The following TAFA2 variants were observed in gnomAD, a reference collection of about 807,000 sequenced individuals.
The protein encoded by TAFA2 is TAFA chemokine like family member 2, also known as chemokine-like protein TAFA-2.
In TAFA2, 7 loss-of-function variants were observed where a neutral mutation model predicts 18.8. The observed-to-expected ratio is 0.37, with a 90% CI of 0.21 to 0.70. The LOEUF (loss-of-function observed/expected upper bound fraction) is 0.70, where lower values mean the gene tolerates loss of function less well. Among genes scored for constraint, TAFA2 ranks in the 30% least tolerant of loss-of-function variants. The probability of loss-of-function intolerance (pLI) is 0.53; values close to 1 mark genes in which losing one functional copy is unlikely to be tolerated. For missense variants in TAFA2, 122 were observed against 158.1 expected (o/e 0.77, Z 1.23); for synonymous variants, 60 against 54.2 (o/e 1.11, Z -0.47).
At chr12:62,079,523 A>G (rs1254912453) in intron 1 of TAFA2, among the ~76,000 whole-genome samples, 1 of 151,608 alleles carries the variant, frequency 6.6e-6, no homozygotes, top group Non-Finnish European at 1.5e-5. Flanking sequence ...AATTAGCCAG[A>G]CATAGTGGCA....
intron 1 of TAFA2, among the ~76,000 whole-genome samples, chr12:62,066,596 C>T (rs1476357758): frequency 6.6e-6 from 1 of 152,070 alleles, no homozygotes; most frequent in Non-Finnish European, 1.5e-5. Context: ...GCTTATTTCA[C>T]TTAACATAAT....
At chr12:62,222,222 T>C (rs2062766155) in intron 1 of TAFA2, among the ~76,000 whole-genome samples, 1 of 151,920 alleles carries the variant, frequency 6.6e-6, no homozygotes, top group African/African-American at 2.4e-5. Context: ...TCTGGAGTCA[T>C]AGGGAAATTT....
At chr12:61,906,965 T>C (rs1876383829) in intron 1 of TAFA2, among the ~76,000 whole-genome samples, 1 of 152,194 alleles carries the variant, frequency 6.6e-6, no homozygotes. Flanking sequence ...AGAGCTGACT[T>C]GAGTGCCATT....
chr12:61,783,034 A>T (rs920105109), intron 2 of TAFA2, among the ~76,000 whole-genome samples: 1 of 151,672 alleles, frequency 6.6e-6, no homozygotes, highest in Non-Finnish European at 1.5e-5. Context: ...TATTCTTGGA[A>T]AATTTATGCT....
intron 1 of TAFA2, among the ~76,000 whole-genome samples, chr12:61,944,977 C>T (rs1191541913): frequency 6.7e-6 from 1 of 150,098 alleles, no homozygotes; most frequent in Non-Finnish European, 1.5e-5. Context: ...CATTCTGATA[C>T]CAAAGACTGG....
intron 1 of TAFA2, among the ~76,000 whole-genome samples, chr12:61,938,359 T>G (rs1017771626): frequency 6.6e-6 from 1 of 152,058 alleles, no homozygotes; most frequent in Non-Finnish European, 1.5e-5. Flanking sequence ...CTAGGGTACA[T>G]TTGCAGATTT....
At chr12:62,161,041 C>A (rs140320571) in intron 1 of TAFA2, among the ~76,000 whole-genome samples, 1 of 152,162 alleles carries the variant, frequency 6.6e-6, no homozygotes, top group Non-Finnish European at 1.5e-5. Flanking sequence ...ATTAAAGATA[C>A]GGTACAAAAG....
chr12:61,725,297 A>G (rs990291822), intron 4 of TAFA2, among the ~76,000 whole-genome samples: 1 of 152,008 alleles, frequency 6.6e-6, no homozygotes, highest in Non-Finnish European at 1.5e-5. Flanking sequence ...ATTAAGTCCC[A>G]TCAATTTATC....
chr12:62,249,261 CTTTT>C (rs1401263419), intron 1 of TAFA2, among the ~76,000 whole-genome samples: 2 of 112,908 alleles, frequency 1.8e-5, no homozygotes, highest in Non-Finnish European at 3.5e-5. Flanking sequence ...CTGCTCCCTC[CTTTT>C]TTTTCCTAAA....
At chr12:62,024,581 A>G (rs569556391) in intron 1 of TAFA2, among the ~76,000 whole-genome samples, 1 of 152,264 alleles carries the variant, frequency 6.6e-6, no homozygotes, top group South Asian at 2.1e-4. Flanking sequence ...GTCTTCAAAA[A>G]CAATTGCAAC....
chr12:62,217,314 A>T (rs947934791), intron 1 of TAFA2, among the ~76,000 whole-genome samples: 2 of 152,294 alleles, frequency 1.3e-5, no homozygotes, highest in African/African-American at 4.8e-5. Context: ...CAAGGCCCTA[A>T]AGTAAAACCA....
At chr12:61,884,209 G>A (rs529447623) in intron 1 of TAFA2, among the ~76,000 whole-genome samples, 16 of 152,256 alleles carry the variant, frequency 1.1e-4, no homozygotes, top group African/African-American at 3.4e-4. Flanking sequence ...AGCTTGAAAC[G>A]ATGGCGCTGA....
rs113074699 is a variant in TAFA2, at chr12:61,874,199, A to G, written c.-1-6773T>C. Among the ~76,000 whole-genome samples the G allele has an allele frequency of 7.1e-3, 1,082 of 152,236 alleles. 11 individuals are homozygous for G. Among genetic ancestry groups the G allele is most frequent in the African/African-American group, 0.024 (1,017 of 41,560 alleles). ...GTAAGTTATAATCAAAAATTTATAG[A>G]GTTGTATTTTTACAAGCTAGTCATA... On this transcript the variant is annotated intron_variant, in intron 1 of 4. Transcript: ENST00000416284.
intron 1 of TAFA2, among the ~76,000 whole-genome samples, chr12:61,997,618 T>C (rs1428023906): frequency 3.9e-5 from 6 of 152,148 alleles, no homozygotes; most frequent in Admixed American, 6.5e-5. Context: ...CTAGCTATTA[T>C]ATGACAAATT....
At chr12:61,784,702 C>CA (rs61370214) in intron 2 of TAFA2, among the ~76,000 whole-genome samples, 129,003 of 147,980 alleles carry the variant, frequency 0.87, 56,190 homozygotes, top group African/African-American at 0.92. Flanking sequence ...TCCCATTTTT[C>CA]AAAAAAAAAA....
At chr12:61,778,344 C>T (rs1357942411) in intron 2 of TAFA2, among the ~76,000 whole-genome samples, 1 of 151,716 alleles carries the variant, frequency 6.6e-6, no homozygotes, top group Non-Finnish European at 1.5e-5. Context: ...AACTCTTGAG[C>T]TTATTACTTC....
chr12:62,171,770 T>C (rs1235625714), intron 1 of TAFA2, among the ~76,000 whole-genome samples: 1 of 152,156 alleles, frequency 6.6e-6, no homozygotes, highest in African/African-American at 2.4e-5. Context: ...ATTATAGCAG[T>C]CCAAATAAAC....
chr12:62,001,763 C>A (rs572350683), intron 1 of TAFA2, among the ~76,000 whole-genome samples: 1 of 151,694 alleles, frequency 6.6e-6, no homozygotes, highest in East Asian at 1.9e-4. Context: ...GGTTGGGGAC[C>A]CCTAATATAT....
intron 1 of TAFA2, among the ~76,000 whole-genome samples, chr12:61,976,370 C>A (rs1014095568): frequency 6.6e-6 from 1 of 151,634 alleles, no homozygotes; most frequent in Non-Finnish European, 1.5e-5. Context: ...TGTTAAACAA[C>A]GTATTTTGAT....
Sources: allele counts gnomAD v4.1 joint callset (sites outside exome capture counted in the v4.1 genomes callset), GRCh38; gene constraint gnomAD v4.1.1; transcripts MANE v1.5; gene names NCBI Gene and HGNC (gene_info 2026-07-23, HGNC 2026-07-21).